AZI2: variants seen among roughly 807,000 people sequenced by gnomAD.
AZI2 encodes the protein 5-azacytidine induced 2, also known as 5-azacytidine-induced protein 2.
AZI2 carries 22 observed loss-of-function variants against 45.8 expected under a neutral mutation model. That is an observed-to-expected ratio of 0.48 (90% CI 0.34 to 0.69). AZI2 has a LOEUF of 0.69. Among genes scored for constraint, AZI2 ranks in the 30% least tolerant of loss-of-function variants. The pLI is 0.01. For missense variants in AZI2, 417 were observed against 441.5 expected, an observed-to-expected ratio of 0.94 and a Z score of 0.50; for synonymous variants, 137 against 156.7, an observed-to-expected ratio of 0.87 and a Z score of 0.94.
chr3:28,325,725 G>T (rs1321935742), intron 7 of AZI2, among the ~76,000 whole-genome samples: 1 of 151,030 alleles, frequency 6.6e-6, no homozygotes, highest in African/African-American at 2.4e-5. Context: ...ACTCAATGCA[G>T]AATTACTCTG....
Position 28,325,134 on chromosome 3 carries a change from A to G in AZI2, c.767-680T>C, listed in dbSNP as rs1443809065. ...CACAATGTAGGTAAAGTAAAAAAAA[A>G]AAAAAAAACAGCCAAAAAAAAAAAG... On this transcript the variant is annotated intron_variant, in intron 7 of 7. Coordinates refer to ENST00000479665, the MANE Select transcript of AZI2 (RefSeq NM_022461.5). 1.3e-5 allele frequency: 2 copies of G among 150,208 alleles called. 1 individual carries two copies. 9.3% of individuals were successfully genotyped at this position (150,208 alleles called of 1,614,324 possible). A position where few individuals can be genotyped will look rare whatever the true frequency, so the allele number is the denominator to read the frequency against.
At chr3:28,339,237 C>T (rs533677805) in intron 2 of AZI2, among the ~76,000 whole-genome samples, 1 of 152,204 alleles carries the variant, frequency 6.6e-6, no homozygotes, top group Non-Finnish European at 1.5e-5. Flanking sequence ...CTCGGCCTCC[C>T]AAAGGGCTGG....
In AZI2 at chr3:28,323,717, T is replaced by C. The variant is rs1703267028; in HGVS notation, c.*325A>G. The C allele has an allele frequency of 5.2e-6, 1 of 194,038 alleles. No individual in the cohort carries two copies. Among genetic ancestry groups the C allele is most frequent in the Non-Finnish European group, 1.0e-5 (1 of 96,238 alleles). 12.0% of individuals were successfully genotyped at this position (194,038 alleles called of 1,614,324 possible). On this transcript the variant is annotated 3_prime_UTR_variant, in exon 8 of 8. Coordinates refer to ENST00000479665, the MANE Select transcript of AZI2 (RefSeq NM_022461.5). ...ATTTCACATTTTGTAAAACCACGTC[T>C]ACAATCTCCAATTCCATTCTTCTGA...
chr3:28,337,803 A>T, intron 4 of AZI2, 134 bp downstream of exon 4: 1 of 483,344 alleles, frequency 2.1e-6, no homozygotes, highest in Non-Finnish European at 3.5e-6. Flanking sequence ...TAGAACAGAG[A>T]AATTAACATA....
intron 7 of AZI2, 71 bp from the exon 8 acceptor site, chr3:28,324,525 C>T: frequency 7.6e-7 from 1 of 1,310,838 alleles, no homozygotes; most frequent in South Asian, 2.3e-5. Context: ...TAACACTTCA[C>T]CAATTTGAAT....
At chr3:28,343,747 A>C (rs924056582) in intron 1 of AZI2, among the ~76,000 whole-genome samples, 2 of 152,016 alleles carry the variant, frequency 1.3e-5, no homozygotes, top group African/African-American at 4.8e-5. Context: ...TTAGAGCCTG[A>C]GCTATTAATA....
chr3:28,338,794 G>T (rs1384959935), intron 2 of AZI2, among the ~76,000 whole-genome samples, 179 bp from the exon 3 acceptor site: 2 of 152,106 alleles, frequency 1.3e-5, no homozygotes, highest in African/African-American at 4.8e-5. Flanking sequence ...AAAATGTGTA[G>T]AATATTTTTT....
intron 4 of AZI2, 90 bp from the exon 5 acceptor site, chr3:28,336,975 T>A: frequency 3.0e-6 from 4 of 1,324,946 alleles, no homozygotes; most frequent in Non-Finnish European, 4.1e-6. Flanking sequence ...AAAATGTAGA[T>A]AATAGAAAAA....
Position 28,332,377 on chromosome 3 carries a change from G to C in AZI2, c.639C>G (p.Ser213Arg), listed in dbSNP as rs746519068. The part of the protein sequence containing the change: ...NLKSRDLQKL[S>R]ISSDNMQHAY... Reference sequence around the variant, plus strand: ...CTGAAGAGTGGTCATACCTTGAAATGCTTAGTTTTTGGAGATCTCTGCTCT... The same window carrying C: ...CTGAAGAGTGGTCATACCTTGAAATCCTTAGTTTTTGGAGATCTCTGCTCT... The change falls in exon 6 of 8, where the codon AGC (serine) becomes AGG (arginine). Residue 213 changes from serine (S) to arginine (R), a missense_variant. Ser to Arg is a moderately radical substitution (Grantham distance 110). Coordinates refer to ENST00000479665, the MANE Select transcript of AZI2 (RefSeq NM_022461.5). 1.9e-6 allele frequency: 3 copies of C among 1,606,708 alleles called. No individual in the cohort carries two copies. The highest frequency in any genetic ancestry group is 2.6e-6 in the Non-Finnish European group (3 of 1,174,466).
Position 28,333,323 on chromosome 3 carries a change from A to T in AZI2, c.589-896T>A, listed in dbSNP as rs1577128017. On this transcript the variant is annotated intron_variant, in intron 5 of 7. Transcript: ENST00000479665. ...AAACATTTCTGGATCTCTGATTTTA[A>T]TACTCTAACAGTTAAGTTAAATCTT... Among the ~76,000 whole-genome samples, 7 of 151,766 alleles carry T rather than the reference A, an allele frequency of 4.6e-5. No individual in the cohort carries two copies. The South Asian group carries it at 1.5e-3, about 31-fold the overall frequency.
At chr3:28,345,899 A>G (rs993584435) in intron 1 of AZI2, among the ~76,000 whole-genome samples, 6 of 152,056 alleles carry the variant, frequency 3.9e-5, no homozygotes, top group Admixed American at 1.3e-4. Flanking sequence ...TGCCATTTTC[A>G]TATTTCATCA....
At chr3:28,340,254 T>C (rs1703959035) in intron 2 of AZI2, 148 bp downstream of exon 2, 2 of 602,670 alleles carry the variant, frequency 3.3e-6, no homozygotes, top group South Asian at 2.1e-5. Context: ...AGGATAAGTA[T>C]AATGCCCAGA....
At chr3:28,347,310 A>G (rs947397641) in intron 1 of AZI2, among the ~76,000 whole-genome samples, 1 of 152,222 alleles carries the variant, frequency 6.6e-6, no homozygotes, top group Non-Finnish European at 1.5e-5. Flanking sequence ...TATACCAAGC[A>G]GTGTGCTTCA....
chr3:28,337,674 C>T (rs1269802618), intron 4 of AZI2, among the ~76,000 whole-genome samples: 11 of 151,120 alleles, frequency 7.3e-5, no homozygotes, highest in Admixed American at 7.2e-4. Flanking sequence ...TGGGCTTCTA[C>T]TCTTTTCCTC....
At chr3:28,348,091 TACTC>T (rs990443086) in intron 1 of AZI2, 4 of 152,312 alleles carry the variant, frequency 2.6e-5, no homozygotes, top group Admixed American at 1.3e-4. Context: ...TAGTAGTAGT[TACTC>T]AACAAACAGC....
intron 1 of AZI2, among the ~76,000 whole-genome samples, chr3:28,346,961 A>C (rs1704261174): frequency 6.6e-6 from 1 of 152,226 alleles, no homozygotes; most frequent in Non-Finnish European, 1.5e-5. Context: ...GTTATCCAAC[A>C]AACTGCGTTA....
rs1703246877 is a variant in AZI2 at position 28,323,254 on chromosome 3, A to G, written c.*788T>C. The G allele has an allele frequency of 6.6e-6, 1 of 151,282 alleles. No homozygotes were observed. The highest frequency in any genetic ancestry group is 2.4e-5 in the African/African-American group (1 of 41,300). 9.4% of individuals were successfully genotyped at this position (151,282 alleles called of 1,614,324 possible). ...TTTATATTATGGCCCACAGAAGGGC[A>G]GATTAGACTGAAATCTGTGTGATGC... On this transcript the variant is annotated 3_prime_UTR_variant, in exon 8 of 8. Transcript: ENST00000479665.
chr3:28,338,442 G>A, intron 3 of AZI2, 51 bp downstream of exon 3: 2 of 1,485,306 alleles, frequency 1.3e-6, no homozygotes, highest in Non-Finnish European at 9.1e-7. Context: ...CCTCTTGAAG[G>A]AGAAAATTCA....
intron 2 of AZI2, 95 bp from the exon 3 acceptor site, chr3:28,338,710 G>T: frequency 1.8e-6 from 2 of 1,101,742 alleles, no homozygotes; most frequent in South Asian, 2.1e-5. Context: ...TACTTCAATC[G>T]TAATAAGGGG....
Sources: gnomAD v4.1 joint callset for allele counts (sites outside exome capture counted in the v4.1 genomes callset) on GRCh38, gnomAD v4.1.1 for gene constraint, MANE v1.5 for transcripts, NCBI Gene and HGNC (gene_info 2026-07-23, HGNC 2026-07-21) for gene names.